The following NCALD variants were observed in gnomAD, a reference collection of about 807,000 sequenced individuals.
NCALD encodes neurocalcin-delta.
Under a neutral mutation model 18.6 loss-of-function variants are expected in NCALD, and 10 were observed. The observed-to-expected ratio is 0.54, with a 90% CI of 0.33 to 0.91. The LOEUF (loss-of-function observed/expected upper bound fraction) is 0.91, where lower values mean the gene tolerates loss of function less well. NCALD is among the 40% of genes least tolerant of loss of function. The pLI is 0.03. For missense variants in NCALD, 184 were observed against 247.6 expected (o/e 0.74, Z 1.72); for synonymous variants, 88 against 87.4 (o/e 1.01, Z -0.04).
intron 1 of NCALD, among the ~76,000 whole-genome samples, chr8:101,747,412 TG>T (rs1810471580): frequency 6.6e-6 from 1 of 152,210 alleles, no homozygotes; most frequent in Non-Finnish European, 1.5e-5. Flanking sequence ...AAAATTGTTA[TG>T]GTCATCTTGT....
chr8:101,876,843 A>G (rs746142167), intron 4 of NCALD, among the ~76,000 whole-genome samples: 96 of 152,348 alleles, frequency 6.3e-4, no homozygotes, highest in Admixed American at 1.8e-3. Context: ...CAAGATGGGA[A>G]AAACTACATT....
chr8:102,072,376 G>C (rs16869007), intron 1 of NCALD, among the ~76,000 whole-genome samples: 60,694 of 151,956 alleles, frequency 0.4, 13,457 homozygotes, highest in African/African-American at 0.6. Context: ...AGATTCGGCT[G>C]TAGGGAGAAA....
At chr8:101,857,442 T>C (rs1367548786) in intron 4 of NCALD, among the ~76,000 whole-genome samples, 1 of 152,220 alleles carries the variant, frequency 6.6e-6, no homozygotes, top group Non-Finnish European at 1.5e-5. Context: ...CACAGAACTC[T>C]GACTTTTCAC....
chr8:101,690,981 C>G (rs1814701822), intron 3 of NCALD: 1 of 985,282 alleles, frequency 1.0e-6, no homozygotes, highest in Non-Finnish European at 1.2e-6. Context: ...GAGTTGGCTC[C>G]TAGGAGAACT....
chr8:101,871,631 G>C (rs1816025800), intron 4 of NCALD, among the ~76,000 whole-genome samples: 1 of 148,452 alleles, frequency 6.7e-6, no homozygotes, highest in Non-Finnish European at 1.5e-5. Flanking sequence ...TTTTTTTAGA[G>C]GAAATACTAT....
intron 2 of NCALD, among the ~76,000 whole-genome samples, chr8:101,714,120 T>C (rs1331571830): frequency 1.3e-5 from 2 of 152,172 alleles, no homozygotes; most frequent in Admixed American, 6.5e-5. Context: ...CTGTTCAACA[T>C]AGTATTGGAA....
intron 2 of NCALD, among the ~76,000 whole-genome samples, chr8:101,976,050 C>T (rs1323442839): frequency 1.3e-5 from 2 of 152,106 alleles, no homozygotes; most frequent in East Asian, 3.9e-4. Flanking sequence ...CGTGGGTTCG[C>T]TATACTCCAT....
At chr8:101,737,518 G>A (rs181199725) in intron 1 of NCALD, among the ~76,000 whole-genome samples, 20 of 152,226 alleles carry the variant, frequency 1.3e-4, no homozygotes, top group African/African-American at 9.6e-5. Context: ...TCTCAAGGCC[G>A]CACCCCAACC....
At chr8:101,914,143 A>G (rs1817896489) in intron 3 of NCALD, among the ~76,000 whole-genome samples, 1 of 152,190 alleles carries the variant, frequency 6.6e-6, no homozygotes, top group African/African-American at 2.4e-5. Context: ...ACATTGAGTC[A>G]TCATGTCTCC....
intron 4 of NCALD, among the ~76,000 whole-genome samples, chr8:101,850,453 T>C (rs1815046962): frequency 6.6e-6 from 1 of 152,210 alleles, no homozygotes; most frequent in Non-Finnish European, 1.5e-5. Context: ...TACACACTTA[T>C]TTTAAAGAAG....
At position 101,764,919 on chromosome 8, in the gene NCALD, TTAC is replaced by T. The variant is rs745591316; in HGVS notation, c.-20+25940_-20+25942del. Among the ~76,000 whole-genome samples the T allele has an allele frequency of 2.6e-5, 4 of 152,292 alleles. No homozygotes were observed. In the South Asian group the frequency reaches 8.3e-4, roughly 32 times the overall value. On this transcript the variant is annotated intron_variant, in intron 1 of 3. Coordinates refer to ENST00000220931, the MANE Select transcript of NCALD (RefSeq NM_032041.3). Reference sequence around the variant, plus strand: ...GTTCTAACTTGAACACAGGGACTTTTTACTACTACAGTCTATTGGCTCCCATGA... The same window carrying T: ...GTTCTAACTTGAACACAGGGACTTTTTACTACAGTCTATTGGCTCCCATGA...
intron 1 of NCALD, among the ~76,000 whole-genome samples, chr8:101,744,141 G>C (rs538450524): frequency 6.6e-6 from 1 of 152,228 alleles, no homozygotes; most frequent in East Asian, 1.9e-4. Flanking sequence ...CCCTTCCTCA[G>C]CTCCTACCAT....
chr8:101,755,087 G>C (rs1201367285), intron 1 of NCALD, among the ~76,000 whole-genome samples: 1 of 152,188 alleles, frequency 6.6e-6, no homozygotes, highest in South Asian at 2.1e-4. Context: ...ATTTCTTTGT[G>C]TGTGAGTCTC....
At chr8:101,879,971 C>T (rs147101739) in intron 4 of NCALD, among the ~76,000 whole-genome samples, 8 of 151,702 alleles carry the variant, frequency 5.3e-5, no homozygotes, top group African/African-American at 1.7e-4. Flanking sequence ...AGTCCTGTGC[C>T]GTGTGCCTGC....
intron 2 of NCALD, among the ~76,000 whole-genome samples, chr8:101,712,587 C>CAAAAAAAAAAAAAAAAAAAAAA (rs201729096): frequency 6.3e-5 from 5 of 78,902 alleles, no homozygotes; most frequent in African/African-American, 1.0e-4. Flanking sequence ...AAATGGAAAG[C>CAAAAAAAAAAAAAAAAAAAAAA]AAAAAAAAAA....
intron 1 of NCALD, among the ~76,000 whole-genome samples, chr8:101,789,221 C>T (rs778364344): frequency 5.3e-5 from 8 of 152,096 alleles, no homozygotes; most frequent in Non-Finnish European, 1.2e-4. Flanking sequence ...CTGGTCTTAT[C>T]TGTGCTCAAC....
chr8:101,721,596 A>C (rs1816358642), intron 1 of NCALD, among the ~76,000 whole-genome samples: 1 of 152,160 alleles, frequency 6.6e-6, no homozygotes, highest in Admixed American at 6.5e-5. Context: ...TGGTGGCCTC[A>C]CTAAAAATAA....
intron 2 of NCALD, among the ~76,000 whole-genome samples, chr8:101,966,113 C>A (rs1297739504): frequency 6.6e-6 from 1 of 150,630 alleles, no homozygotes; most frequent in Non-Finnish European, 1.5e-5. Flanking sequence ...AAAAAAAGAA[C>A]ATTATTAGAT....
intron 1 of NCALD, among the ~76,000 whole-genome samples, chr8:101,742,835 G>A (rs1442088891): frequency 6.6e-6 from 1 of 151,966 alleles, no homozygotes; most frequent in Admixed American, 6.6e-5. Context: ...TCCAACCCCT[G>A]GACAGGCCCC....
Sources: gnomAD v4.1 joint callset for allele counts (sites outside exome capture counted in the v4.1 genomes callset) on GRCh38, gnomAD v4.1.1 for gene constraint, MANE v1.5 for transcripts, NCBI Gene and HGNC (gene_info 2026-07-23, HGNC 2026-07-21) for gene names.